Variants in RSPH9 observed in about 807,000 individuals in gnomAD.
RSPH9 encodes the protein radial spoke head protein 9 homolog.
RSPH9 carries 27 observed loss-of-function variants against 27.0 expected under a neutral mutation model. The observed-to-expected ratio is 1.00, with a 90% CI of 0.74 to 1.38. The LOEUF (loss-of-function observed/expected upper bound fraction) is 1.38. Ranked by LOEUF, RSPH9 falls within the 40% of genes most tolerant of loss-of-function variation. The pLI, the probability that RSPH9 is intolerant of heterozygous loss-of-function variation, is 0.00. For synonymous variants in RSPH9, 145 were observed against 147.7 expected (o/e 0.98, Z 0.13); for missense variants, 347 against 357.4 (o/e 0.97, Z 0.24).
At chr6:43,645,820 G>T (rs1171898849) in intron 1 of RSPH9, among the ~76,000 whole-genome samples, 2 of 152,220 alleles carry the variant, frequency 1.3e-5, no homozygotes, top group Non-Finnish European at 2.9e-5. Flanking sequence ...GCCAGAGGGA[G>T]AGGGTGGTGC....
At chr6:43,665,826 T>TC (rs1277132288) in intron 4 of RSPH9, among the ~76,000 whole-genome samples, 8 of 152,040 alleles carry the variant, frequency 5.3e-5, no homozygotes, top group African/African-American at 1.9e-4. Context: ...TTTCTTTCTT[T>TC]TTTTTTTAAT....
At chr6:43,647,133 C>T (rs901114863) in intron 1 of RSPH9, among the ~76,000 whole-genome samples, 1 of 135,830 alleles carries the variant, frequency 7.4e-6, no homozygotes, top group Non-Finnish European at 1.7e-5. Context: ...TGTCTCAAAA[C>T]AAATAAATAA....
intron 2 of RSPH9, among the ~76,000 whole-genome samples, chr6:43,653,446 CAAAAAAAA>C (rs79873267): frequency 1.3e-5 from 1 of 75,468 alleles, no homozygotes; most frequent in Non-Finnish European, 3.0e-5. Flanking sequence ...GACTCCGTCT[CAAAAAAAA>C]AAAAAAAAAA....
chr6:43,645,591 T>TCC (rs111461969), intron 1 of RSPH9, among the ~76,000 whole-genome samples: 1 of 151,904 alleles, frequency 6.6e-6, no homozygotes, highest in East Asian at 1.9e-4. Context: ...ACGGGCGATG[T>TCC]CCCCCGGAGG....
intron 4 of RSPH9, among the ~76,000 whole-genome samples, chr6:43,663,811 C>G (rs1312084438): frequency 2.0e-5 from 3 of 151,974 alleles, no homozygotes; most frequent in Non-Finnish European, 4.4e-5. Context: ...GGGCGGATCA[C>G]TAAAGGCCAG....
intron 4 of RSPH9, among the ~76,000 whole-genome samples, chr6:43,661,301 A>T (rs979577630): frequency 1.3e-5 from 2 of 152,188 alleles, no homozygotes; most frequent in Non-Finnish European, 2.9e-5. Flanking sequence ...TGAGCCCCTA[A>T]CAAGAGAGTC....
Position 43,665,958 on chromosome 6 carries a change from T to C in RSPH9, c.671-4831T>C, listed in dbSNP as rs189724704. On this transcript the variant is annotated intron_variant, in intron 4 of 4. Transcript: ENST00000372163. Reference sequence around the variant, plus strand: ...CTCCTGCCTCAGCCTCCCGAGTAGCTGGGACTACAGGTGTGGACCACCATG... The same window carrying C: ...CTCCTGCCTCAGCCTCCCGAGTAGCCGGGACTACAGGTGTGGACCACCATG... 2.0e-4 allele frequency among the ~76,000 whole-genome samples: 31 copies of C among 152,254 alleles called. 1 individual carries two copies. The highest frequency in any genetic ancestry group is 3.4e-3 in the Middle Eastern group (1 of 294).
intron 4 of RSPH9, among the ~76,000 whole-genome samples, chr6:43,657,756 T>C (rs556286822): frequency 1.3e-5 from 2 of 152,272 alleles, no homozygotes; most frequent in East Asian, 3.9e-4. Flanking sequence ...AATCCCTCCA[T>C]TTCCCTGTGC....
rs748258893 is a variant in RSPH9 at position 43,645,301 on chromosome 6, T to G, written c.203T>G (p.Leu68Arg). The G allele has an allele frequency of 7.1e-7, 1 of 1,415,542 alleles. No homozygotes were observed. Among genetic ancestry groups the G allele is most frequent in the South Asian group, 1.1e-5 (1 of 88,906 alleles). 87.7% of individuals were successfully genotyped at this position (1,415,542 alleles called of 1,614,324 possible). Residue 68 changes from leucine (L) to arginine (R), a missense_variant, in exon 1 of 5, where the codon CTC (leucine) becomes CGC (arginine). Coordinates refer to ENST00000372163, the MANE Select transcript of RSPH9 (RefSeq NM_152732.5). Reference protein sequence around the residue: ...YIAQGLSEDQLAPRKTLYSLN... With the variant: ...YIAQGLSEDQRAPRKTLYSLN... ...GCGCAGGGCCTGAGTGAGGACCAGC[T>G]CGCACCGCGCAAGACGCTCTATAGG... is the stretch of plus-strand genomic sequence containing the variant.
chr6:43,662,796 T>C (rs1772766505), intron 4 of RSPH9, among the ~76,000 whole-genome samples: 2 of 152,164 alleles, frequency 1.3e-5, no homozygotes, highest in Non-Finnish European at 2.9e-5. Flanking sequence ...TATCTCAATT[T>C]TTTTTATTTT....
At chr6:43,662,023 G>A (rs1050663407) in intron 4 of RSPH9, among the ~76,000 whole-genome samples, 3 of 152,116 alleles carry the variant, frequency 2.0e-5, no homozygotes, top group Admixed American at 2.0e-4. Context: ...GAGTAGTTGG[G>A]ACTACAGGTG....
In RSPH9 at chr6:43,670,784, C is replaced by T. The variant is rs760442254; in HGVS notation, c.671-5C>T. 2.5e-6 allele frequency: 4 copies of T among 1,613,890 alleles called. No homozygotes were observed. The highest frequency in any genetic ancestry group is 3.3e-5 in the Admixed American group (2 of 60,012). ...AGGCCTCACCTCCTGCCTGTCTTATCTCAGGGTCCTGGAGCATCCAGATGG... is the reference window on the plus strand; with the variant it reads ...AGGCCTCACCTCCTGCCTGTCTTATTTCAGGGTCCTGGAGCATCCAGATGG... On this transcript the variant is annotated splice_polypyrimidine_tract_variant and splice_region_variant and intron_variant, in intron 4 of 4. Transcript: ENST00000372163.
chr6:43,646,175 A>G (rs932921405), intron 1 of RSPH9, among the ~76,000 whole-genome samples: 4 of 151,944 alleles, frequency 2.6e-5, no homozygotes, highest in Non-Finnish European at 5.9e-5. Context: ...TCTGTCGCCC[A>G]GGCTGGAGTG....
In RSPH9 at chr6:43,671,836, G is replaced by A. The variant is rs1396346974; in HGVS notation, c.*887G>A. ...AGAAGGGGTGACCCCACGGGCATGC[G>A]CACCCTGTTCCAGCGGGGGCCTTTT... On this transcript the variant is annotated 3_prime_UTR_variant, in exon 5 of 5. Transcript: ENST00000372163. The A allele has an allele frequency of 1.5e-5, 24 of 1,613,998 alleles. No homozygotes were observed. The highest frequency in any genetic ancestry group is 6.7e-5 in the Admixed American group (4 of 59,994).
In RSPH9 at chr6:43,653,833, C is replaced by T. The variant is rs1299315628; in HGVS notation, c.394-1729C>T. Among the ~76,000 whole-genome samples, 3 of 152,212 alleles carry T rather than the reference C, an allele frequency of 2.0e-5. No individual in the cohort carries two copies. The East Asian group carries it at 5.8e-4, about 29-fold the overall frequency. Reference sequence around the variant, plus strand: ...TCAACCTCCTGAGTAACTGGGATTACAGGCATGCGCCACCACACCCTGCTA... The same window carrying T: ...TCAACCTCCTGAGTAACTGGGATTATAGGCATGCGCCACCACACCCTGCTA... On this transcript the variant is annotated intron_variant, in intron 2 of 4. Transcript: ENST00000372163.
intron 3 of RSPH9, among the ~76,000 whole-genome samples, 184 bp from the exon 4 acceptor site, chr6:43,656,393 C>G (rs920287249): frequency 6.6e-6 from 1 of 152,118 alleles, no homozygotes; most frequent in Non-Finnish European, 1.5e-5. Flanking sequence ...GCTGGACTCT[C>G]TTTGTGGCAG....
Position 43,664,026 on chromosome 6 carries a change from C to A in RSPH9, c.671-6763C>A, listed in dbSNP as rs569049024. Reference sequence around the variant, plus strand: ...CCTGGGTGACAGAATGAGAATGTCTCGAAAAAAAAAAAAAAAGAGTTTGAA... The same window carrying A: ...CCTGGGTGACAGAATGAGAATGTCTAGAAAAAAAAAAAAAAAGAGTTTGAA... On this transcript the variant is annotated intron_variant, in intron 4 of 4. Coordinates refer to ENST00000372163, the MANE Select transcript of RSPH9 (RefSeq NM_152732.5). 9.0e-3 allele frequency among the ~76,000 whole-genome samples: 1,143 copies of A among 127,582 alleles called. 24 individuals are homozygous for A. The highest frequency in any genetic ancestry group is 0.031 in the African/African-American group (1,050 of 34,236). 83.7% of individuals were successfully genotyped at this position (127,582 alleles called of 152,430 possible).
At chr6:43,664,067 C>A (rs1772898644) in intron 4 of RSPH9, among the ~76,000 whole-genome samples, 1 of 150,150 alleles carries the variant, frequency 6.7e-6, no homozygotes, top group African/African-American at 2.5e-5. Context: ...GTGAAAACTA[C>A]CAAAATGTGA....
At chr6:43,651,709 C>G (rs1188885756) in intron 2 of RSPH9, among the ~76,000 whole-genome samples, 1 of 152,008 alleles carries the variant, frequency 6.6e-6, no homozygotes, top group African/African-American at 2.4e-5. Flanking sequence ...ATGCCACACC[C>G]AGCTAATTTT....
Sources: gnomAD v4.1 joint callset for allele counts (sites outside exome capture counted in the v4.1 genomes callset) on GRCh38, gnomAD v4.1.1 for gene constraint, MANE v1.5 for transcripts, NCBI Gene and HGNC (gene_info 2026-07-23, HGNC 2026-07-21) for gene names.